Variants in FNIP1 observed in about 807,000 individuals in gnomAD.
FNIP1 encodes folliculin interacting protein 1.
In FNIP1, 40 loss-of-function variants were observed where a neutral mutation model predicts 124.5. The observed-to-expected ratio is 0.32, with a 90% CI of 0.25 to 0.42. The LOEUF (loss-of-function observed/expected upper bound fraction) is 0.42, where lower values mean the gene tolerates loss of function less well. Among genes scored for constraint, FNIP1 ranks in the 10% least tolerant of loss-of-function variants. FNIP1 has a pLI of 1.00. For missense variants in FNIP1, 1,176 were observed against 1,403.7 expected, an observed-to-expected ratio of 0.84 and a Z score of 2.59; for synonymous variants, 472 against 470.6, an observed-to-expected ratio of 1.00 and a Z score of -0.04.
In FNIP1 at chr5:131,663,415, T is replaced by TC. The variant is rs563035248; in HGVS notation, c.3108+7047dup. Among the ~76,000 whole-genome samples, 981 of 152,320 alleles carry TC rather than the reference T, an allele frequency of 6.4e-3. 8 individuals are homozygous for TC. Among genetic ancestry groups the TC allele is most frequent in the African/African-American group, 0.022 (917 of 41,560 alleles). On this transcript the variant is annotated intron_variant, in intron 15 of 17. Coordinates refer to ENST00000510461, the MANE Select transcript of FNIP1 (RefSeq NM_133372.3). ...TGTGTGTGATGTTTATATATACAGC[T>TC]CCAATTAATTGGCTTAAAGAAAAAT... is the stretch of plus-strand genomic sequence containing the variant.
chr5:131,670,176 C>T (rs907658612), intron 15 of FNIP1, among the ~76,000 whole-genome samples: 4 of 152,136 alleles, frequency 2.6e-5, no homozygotes, highest in African/African-American at 9.7e-5. Flanking sequence ...TCCATTCAAA[C>T]TTAAGCACTT....
intron 1 of FNIP1, among the ~76,000 whole-genome samples, chr5:131,794,911 G>A (rs932084672): frequency 2.6e-5 from 4 of 152,208 alleles, no homozygotes; most frequent in Admixed American, 2.6e-4. Flanking sequence ...TTTGGGTGAT[G>A]GAAGTGTTCT....
At chr5:131,681,306 G>A (rs971680621) in intron 11 of FNIP1, among the ~76,000 whole-genome samples, 4 of 152,068 alleles carry the variant, frequency 2.6e-5, no homozygotes, top group East Asian at 3.9e-4. Context: ...TTCAGGTAAT[G>A]ATAATAAAAA....
At chr5:131,754,591 C>T (rs1770982734) in intron 1 of FNIP1, among the ~76,000 whole-genome samples, 1 of 152,180 alleles carries the variant, frequency 6.6e-6, no homozygotes, top group South Asian at 2.1e-4. Context: ...ATTCTCTTCT[C>T]TGGAAGAAGA....
At chr5:131,770,195 G>A (rs1267536579) in intron 1 of FNIP1, among the ~76,000 whole-genome samples, 4 of 152,190 alleles carry the variant, frequency 2.6e-5, no homozygotes, top group African/African-American at 9.7e-5. Context: ...TTGAAAAGCA[G>A]GCCCTAATGA....
At chr5:131,677,175 G>A (rs1156515999) in intron 13 of FNIP1, among the ~76,000 whole-genome samples, 1 of 152,198 alleles carries the variant, frequency 6.6e-6, no homozygotes, top group Non-Finnish European at 1.5e-5. Flanking sequence ...CACAGCCTGT[G>A]TCTTTAGCAC....
At chr5:131,652,780 A>C (rs1276824193) in intron 15 of FNIP1, among the ~76,000 whole-genome samples, 1 of 152,102 alleles carries the variant, frequency 6.6e-6, no homozygotes, top group Non-Finnish European at 1.5e-5. Context: ...TGAGCAACAT[A>C]GCCAGACCTC....
At chr5:131,760,068 T>C (rs1018259050) in intron 1 of FNIP1, among the ~76,000 whole-genome samples, 3 of 151,820 alleles carry the variant, frequency 2.0e-5, no homozygotes, top group South Asian at 2.1e-4. Flanking sequence ...ATGGGAAAAA[T>C]AGACACTGTG....
At position 131,671,699 on chromosome 5, in the gene FNIP1, A is replaced by G; in HGVS notation, c.2745T>C (p.His915=). 1.9e-6 allele frequency: 3 copies of G among 1,614,086 alleles called. No homozygotes were observed. The highest frequency in any genetic ancestry group is 2.5e-6 in the Non-Finnish European group (3 of 1,180,010). ...QRDTLSILVP[H]GDKESSDKKI... ...TTTTATCTGAACTCTCTTTATCCCC[A>G]TGGGGGACAAGAATGGAGAGTGTAT... The change falls in exon 14 of 18, where the codon CAT becomes CAC. Residue 915 remains histidine (H), a synonymous_variant. Transcript: ENST00000510461.
intron 1 of FNIP1, among the ~76,000 whole-genome samples, chr5:131,779,292 C>A (rs1470781842): frequency 2.0e-5 from 3 of 151,976 alleles, no homozygotes; most frequent in African/African-American, 7.3e-5. Context: ...GAAAACTGAA[C>A]ATGGACTGAG....
chr5:131,734,786 G>T (rs182571226), intron 2 of FNIP1, among the ~76,000 whole-genome samples: 1 of 152,126 alleles, frequency 6.6e-6, no homozygotes, highest in African/African-American at 2.4e-5. Flanking sequence ...TTAGAATGGC[G>T]ATCATTAAAA....
chr5:131,726,641 G>GT (rs1248147739), intron 3 of FNIP1, among the ~76,000 whole-genome samples: 1 of 152,042 alleles, frequency 6.6e-6, no homozygotes, highest in Admixed American at 6.6e-5. Context: ...TTTTTGAAGG[G>GT]TTTTTTGTGT....
chr5:131,653,679 T>C (rs1767110291), intron 15 of FNIP1, among the ~76,000 whole-genome samples: 2 of 152,222 alleles, frequency 1.3e-5, no homozygotes, highest in South Asian at 2.1e-4. Flanking sequence ...GCAAGAACGT[T>C]AAGAGTATGA....
intron 2 of FNIP1, among the ~76,000 whole-genome samples, chr5:131,732,488 T>A (rs1482979080): frequency 6.6e-6 from 1 of 152,188 alleles, no homozygotes; most frequent in East Asian, 1.9e-4. Flanking sequence ...CTTTAATCCA[T>A]CTTGAATTAA....
rs557313661 is a variant in FNIP1, at chr5:131,727,251, T to TA, written c.354+3652dup. Among the ~76,000 whole-genome samples, 484 of 152,272 alleles carry TA rather than the reference T, an allele frequency of 3.2e-3. 4 individuals carry two copies. The highest frequency in any genetic ancestry group is 5.2e-3 in the Non-Finnish European group (353 of 68,032). ...CAGTCTAATATTGACAGTGGGGTGT[T>TA]AAAGTCTCCCACTATTATTGTGTGG... On this transcript the variant is annotated intron_variant, in intron 3 of 17. Transcript: ENST00000510461.
rs1274825515 is a variant in FNIP1 at position 131,642,423 on chromosome 5, T to G, written c.*2262A>C. The G allele has an allele frequency of 6.6e-6, 1 of 152,276 alleles. No homozygotes were observed. Among genetic ancestry groups the G allele is most frequent in the Admixed American group, 6.5e-5 (1 of 15,278 alleles). 9.4% of individuals were successfully genotyped at this position (152,276 alleles called of 1,614,324 possible). A position where few individuals can be genotyped will look rare whatever the true frequency, so the allele number is the denominator to read the frequency against. On this transcript the variant is annotated 3_prime_UTR_variant, in exon 18 of 18. Coordinates refer to ENST00000510461, the MANE Select transcript of FNIP1 (RefSeq NM_133372.3). ...TAGGTCATTTCCTTCCCAGCAAAGC[T>G]TAGCTTTAGGAACAACAATAGCATG...
At chr5:131,661,725 C>G (rs774206645) in intron 15 of FNIP1, among the ~76,000 whole-genome samples, 8 of 152,088 alleles carry the variant, frequency 5.3e-5, no homozygotes, top group African/African-American at 1.9e-4. Flanking sequence ...TGAGCAACAT[C>G]GCCAGGGCAG....
intron 17 of FNIP1, among the ~76,000 whole-genome samples, chr5:131,646,070 T>A (rs1766871158): frequency 2.0e-5 from 3 of 152,154 alleles, no homozygotes; most frequent in Admixed American, 6.5e-5. Context: ...TATTTTTACA[T>A]AAAGGCATTA....
rs70974003 is a variant in FNIP1 at position 131,658,907 on chromosome 5, CAAAAAAAAAAAAAAA to C, written c.3109-6923_3109-6909del. 5.3e-4 allele frequency among the ~76,000 whole-genome samples: 22 copies of C among 41,166 alleles called. No individual in the cohort carries two copies. The South Asian group carries it at 0.013, about 23-fold the overall frequency. 27.0% of individuals were successfully genotyped at this position (41,166 alleles called of 152,430 possible). ...CCAGTTTTTAAATCCTGGGTCTAGCCAAAAAAAAAAAAAAAAAAAAAAAAAAAAATCACCACCAAA... is the reference window on the plus strand; with the variant it reads ...CCAGTTTTTAAATCCTGGGTCTAGCCAAAAAAAAAAAAAATCACCACCAAA... On this transcript the variant is annotated intron_variant, in intron 15 of 17. Transcript: ENST00000510461.
Sources: gnomAD v4.1 joint callset for allele counts (sites outside exome capture counted in the v4.1 genomes callset) on GRCh38, gnomAD v4.1.1 for gene constraint, MANE v1.5 for transcripts, NCBI Gene and HGNC (gene_info 2026-07-23, HGNC 2026-07-21) for gene names.